GPC5: variants seen among roughly 807,000 people sequenced by gnomAD.
GPC5 encodes glypican 5.
A neutral mutation model predicts 53.9 loss-of-function variants in GPC5; 47 were observed. That is an observed-to-expected ratio of 0.87 (90% CI 0.69 to 1.11). GPC5 has a LOEUF of 1.11. Among genes scored for constraint, GPC5 ranks in the 50% most tolerant of loss-of-function variants. The probability of loss-of-function intolerance (pLI) is 0.00; values close to 1 mark genes in which losing one functional copy is unlikely to be tolerated. For missense variants in GPC5, 748 were observed against 713.1 expected (o/e 1.05, Z -0.56); for synonymous variants, 286 against 263.3 (o/e 1.09, Z -0.84).
At chr13:91,636,647 C>G (rs1023041364) in intron 2 of GPC5, among the ~76,000 whole-genome samples, 4 of 152,082 alleles carry the variant, frequency 2.6e-5, no homozygotes, top group African/African-American at 9.7e-5. Context: ...TGCTAAAATT[C>G]TGACTGAAAA....
chr13:91,411,068 C>T (rs1877738795), intron 1 of GPC5, among the ~76,000 whole-genome samples: 1 of 152,200 alleles, frequency 6.6e-6, no homozygotes, highest in African/African-American at 2.4e-5. Flanking sequence ...AAGATTGTGC[C>T]ACTGCACTCC....
At chr13:91,443,795 A>G (rs1189897944) in intron 1 of GPC5, among the ~76,000 whole-genome samples, 1 of 152,198 alleles carries the variant, frequency 6.6e-6, no homozygotes, top group Non-Finnish European at 1.5e-5. Context: ...TTATGAGTTC[A>G]TGTTGGTACT....
chr13:92,530,782 C>T (rs1301569997), intron 7 of GPC5, among the ~76,000 whole-genome samples: 3 of 152,296 alleles, frequency 2.0e-5, no homozygotes, highest in Non-Finnish European at 4.4e-5. Context: ...CATACTTGTG[C>T]ACATTTCTGT....
At chr13:92,054,620 T>C (rs1034641055) in intron 6 of GPC5, among the ~76,000 whole-genome samples, 1 of 152,082 alleles carries the variant, frequency 6.6e-6, no homozygotes, top group African/African-American at 2.4e-5. Context: ...ACCCAGTGAG[T>C]TACACAACAA....
At chr13:92,507,840 T>G (rs963969664) in intron 7 of GPC5, among the ~76,000 whole-genome samples, 1 of 151,768 alleles carries the variant, frequency 6.6e-6, no homozygotes, top group African/African-American at 2.4e-5. Flanking sequence ...TTTACCTTAT[T>G]TTTTTTTGCT....
chr13:92,629,362 A>G (rs1031120274), intron 7 of GPC5, among the ~76,000 whole-genome samples: 5 of 152,164 alleles, frequency 3.3e-5, no homozygotes, highest in Non-Finnish European at 7.4e-5. Flanking sequence ...ACATAGATGA[A>G]GGTATCAGGT....
At chr13:91,748,325 A>T (rs1195256521) in intron 4 of GPC5, among the ~76,000 whole-genome samples, 1 of 152,104 alleles carries the variant, frequency 6.6e-6, no homozygotes, top group Admixed American at 6.5e-5. Flanking sequence ...TACCTTAGAG[A>T]TTCCTTCTAT....
chr13:91,921,637 C>G (rs2139017943), intron 6 of GPC5, among the ~76,000 whole-genome samples: 1 of 152,158 alleles, frequency 6.6e-6, no homozygotes, highest in Non-Finnish European at 1.5e-5. Flanking sequence ...GCAACTATTA[C>G]TTTAATAAAG....
At chr13:92,602,100 TATTA>T (rs1393590253) in intron 7 of GPC5, among the ~76,000 whole-genome samples, 20 of 148,364 alleles carry the variant, frequency 1.3e-4, no homozygotes, top group African/African-American at 4.2e-4. Flanking sequence ...TTACTTAAAT[TATTA>T]ATTAATGAAA....
At chr13:92,743,057 C>T (rs1030754124) in intron 7 of GPC5, among the ~76,000 whole-genome samples, 31 of 151,484 alleles carry the variant, frequency 2.0e-4, no homozygotes, top group African/African-American at 4.8e-4. Flanking sequence ...ATTGACTTGG[C>T]GATGCAGGCT....
chr13:91,804,674 G>T (rs1008011026), intron 5 of GPC5, among the ~76,000 whole-genome samples: 10 of 152,052 alleles, frequency 6.6e-5, no homozygotes, highest in African/African-American at 2.4e-4. Context: ...GTTTTGATGT[G>T]CAAAAATGAT....
chr13:91,720,215 TTTC>T (rs1448792003), intron 3 of GPC5, among the ~76,000 whole-genome samples: 1 of 152,178 alleles, frequency 6.6e-6, no homozygotes, highest in Middle Eastern at 3.2e-3. Flanking sequence ...GATTTGTGTA[TTTC>T]TTATTTATCT....
chr13:92,353,805 A>G (rs532400184), intron 7 of GPC5, among the ~76,000 whole-genome samples: 12 of 152,304 alleles, frequency 7.9e-5, no homozygotes, highest in Middle Eastern at 3.4e-3. Context: ...AACATCTGGT[A>G]ATAAATGATT....
intron 2 of GPC5, among the ~76,000 whole-genome samples, chr13:91,654,661 G>T (rs76586656): frequency 0.027 from 4,111 of 152,174 alleles, 168 homozygotes; most frequent in African/African-American, 0.091. Context: ...TGTTTCTACG[G>T]TAACAATGTT....
chr13:92,095,724 G>A (rs569534668), intron 6 of GPC5, among the ~76,000 whole-genome samples: 16 of 152,066 alleles, frequency 1.1e-4, no homozygotes, highest in Non-Finnish European at 1.6e-4. Flanking sequence ...TAGTAGAGAC[G>A]GGGTTTCACC....
intron 1 of GPC5, among the ~76,000 whole-genome samples, chr13:91,428,732 A>AT (rs201915442): frequency 0.035 from 5,258 of 151,778 alleles, 135 homozygotes; most frequent in Non-Finnish European, 0.051. Flanking sequence ...ATTTGAAAGG[A>AT]ATTTTTTTTT....
intron 5 of GPC5, among the ~76,000 whole-genome samples, chr13:91,809,859 A>T (rs191920754): frequency 6.6e-6 from 1 of 152,126 alleles, no homozygotes; most frequent in Non-Finnish European, 1.5e-5. Context: ...TTGTAATATT[A>T]ATCTGGTAAG....
intron 6 of GPC5, among the ~76,000 whole-genome samples, chr13:91,991,244 T>C (rs1350783345): frequency 1.3e-5 from 2 of 152,246 alleles, no homozygotes; most frequent in Non-Finnish European, 1.5e-5. Context: ...TGTTTTGCAG[T>C]TTCCTCGTCT....
intron 7 of GPC5, among the ~76,000 whole-genome samples, chr13:92,290,773 C>T (rs983596701): frequency 2.0e-5 from 3 of 152,220 alleles, no homozygotes; most frequent in African/African-American, 7.2e-5. Flanking sequence ...TCTGTCTGGG[C>T]TCCCACTTTG....
Sources: gnomAD v4.1 joint callset for allele counts (sites outside exome capture counted in the v4.1 genomes callset) on GRCh38, gnomAD v4.1.1 for gene constraint, MANE v1.5 for transcripts, NCBI Gene and HGNC (gene_info 2026-07-23, HGNC 2026-07-21) for gene names.